Variants in ANK2 observed in about 807,000 individuals in gnomAD.
ANK2 encodes the protein ankyrin 2, also known as ankyrin-2.
Under a neutral mutation model 360.5 loss-of-function variants are expected in ANK2, and 83 were observed. That is an observed-to-expected ratio of 0.23 (90% confidence interval 0.19 to 0.28). The LOEUF (loss-of-function observed/expected upper bound fraction) is 0.28, where lower values mean the gene tolerates loss of function less well. Ranked by LOEUF, ANK2 falls within the 10% of genes least tolerant of loss-of-function variation. The probability of loss-of-function intolerance (pLI) is 1.00; values close to 1 mark genes in which losing one functional copy is unlikely to be tolerated. For missense variants in ANK2, 4,201 were observed against 4,795.7 expected (o/e 0.88, Z 3.66); for synonymous variants, 1,740 against 1,759.5 (o/e 0.99, Z 0.28).
intron 33 of ANK2, among the ~76,000 whole-genome samples, chr4:113,342,711 A>G (rs980610803): frequency 7.9e-5 from 12 of 152,154 alleles, no homozygotes; most frequent in Admixed American, 2.6e-4. Context: ...AAAAAAAAAA[A>G]AAATTACCCA....
chr4:113,253,081 T>A (rs1303119377), intron 10 of ANK2, among the ~76,000 whole-genome samples: 1 of 152,206 alleles, frequency 6.6e-6, no homozygotes, highest in East Asian at 1.9e-4. Flanking sequence ...CCTCCATATC[T>A]ATCCATATCT....
intron 2 of ANK2, among the ~76,000 whole-genome samples, chr4:112,938,777 T>C (rs932474706): frequency 3.9e-5 from 6 of 152,170 alleles, no homozygotes; most frequent in African/African-American, 1.4e-4. Flanking sequence ...ATTTAAGACA[T>C]GGGTCTGTTT....
chr4:112,880,690 A>G (rs1580387374), intron 1 of ANK2: 1 of 152,238 alleles, frequency 6.6e-6, no homozygotes, highest in Non-Finnish European at 1.5e-5. Flanking sequence ...TAATTAGCAG[A>G]TGGAAGTGTG....
At chr4:112,804,421 G>A in the ANK2 span, among the ~76,000 whole-genome samples, 1 of 152,074 alleles carries the variant, frequency 6.6e-6, no homozygotes, top group Non-Finnish European at 1.5e-5. Flanking sequence ...GTGTATGAAG[G>A]GACAGGGCTA....
chr4:113,007,950 T>G (rs1320420050), intron 2 of ANK2, among the ~76,000 whole-genome samples: 1 of 152,098 alleles, frequency 6.6e-6, no homozygotes, highest in African/African-American at 2.4e-5. Flanking sequence ...TCCAAACTAG[T>G]GAACTCAAGC....
chr4:113,182,553 G>C (rs2098438982), intron 2 of ANK2, among the ~76,000 whole-genome samples: 1 of 152,146 alleles, frequency 6.6e-6, no homozygotes, highest in African/African-American at 2.4e-5. Context: ...CAAGGAGAAT[G>C]GGAAAGAGTG....
At chr4:112,805,701 C>A in the ANK2 span, among the ~76,000 whole-genome samples, 3 of 151,938 alleles carry the variant, frequency 2.0e-5, no homozygotes, top group African/African-American at 7.3e-5. Flanking sequence ...CCTGCCTCAG[C>A]CTCCTGAGTA....
chr4:113,336,498 T>C, intron 30 of ANK2, 79 bp from the exon 31 acceptor site: 1 of 1,322,726 alleles, frequency 7.6e-7, no homozygotes, highest in East Asian at 2.5e-5. Context: ...GGAAGAAATT[T>C]GAAATTAAGT....
At chr4:112,806,183 TA>T in the ANK2 span, among the ~76,000 whole-genome samples, 1 of 152,154 alleles carries the variant, frequency 6.6e-6, no homozygotes, top group Non-Finnish European at 1.5e-5. Context: ...TTGCACCCAT[TA>T]ACCATCGCCA....
the ANK2 span, among the ~76,000 whole-genome samples, chr4:112,800,502 T>C: frequency 6.6e-6 from 1 of 152,186 alleles, no homozygotes; most frequent in Non-Finnish European, 1.5e-5. Flanking sequence ...CTAATAGCTG[T>C]AAGGTATTCA....
the ANK2 span, chr4:112,788,075 G>A: frequency 1.4e-6 from 2 of 1,420,530 alleles, no homozygotes; most frequent in South Asian, 2.3e-5. Flanking sequence ...AAACTCAACA[G>A]TGCACATTTA....
intron 1 of ANK2, among the ~76,000 whole-genome samples, chr4:112,838,595 G>A (rs557597510): frequency 6.9e-4 from 105 of 152,296 alleles, no homozygotes; most frequent in Non-Finnish European, 1.2e-3. Context: ...TAGGCTGGGC[G>A]CATGGCTCAT....
intron 26 of ANK2, among the ~76,000 whole-genome samples, chr4:113,319,141 C>T (rs1255182287): frequency 6.6e-6 from 1 of 152,112 alleles, no homozygotes; most frequent in African/African-American, 2.4e-5. Context: ...TGAACGCAAT[C>T]AGTCAGGTTC....
intron 1 of ANK2, among the ~76,000 whole-genome samples, chr4:113,159,516 T>A (rs1186656906): frequency 6.6e-6 from 1 of 152,132 alleles, no homozygotes; most frequent in Non-Finnish European, 1.5e-5. Context: ...CTTTCATGGA[T>A]AATTTATACA....
chr4:112,826,359 A>G (rs1214871461), intron 1 of ANK2: 12 of 960,802 alleles, frequency 1.2e-5, no homozygotes, highest in East Asian at 4.9e-5. Flanking sequence ...CACAGTGACA[A>G]TGGTCTCACT....
chr4:112,790,344 A>C, the ANK2 span, among the ~76,000 whole-genome samples: 2 of 152,208 alleles, frequency 1.3e-5, no homozygotes, highest in African/African-American at 4.8e-5. Context: ...ATTTGTCTTC[A>C]TGAAATATCA....
chr4:113,155,702 TTGA>T (rs2097261793), intron 1 of ANK2, among the ~76,000 whole-genome samples: 3 of 152,146 alleles, frequency 2.0e-5, no homozygotes, highest in Admixed American at 6.5e-5. Context: ...TTCATACTTT[TTGA>T]TTTCTATAAC....
chr4:112,919,404 G>A (rs537212506), intron 2 of ANK2, among the ~76,000 whole-genome samples: 6 of 152,086 alleles, frequency 3.9e-5, no homozygotes, highest in South Asian at 4.1e-4. Flanking sequence ...AAACTCACTC[G>A]TTGATGGTCA....
chr4:113,080,006 C>T (rs181988657), intron 1 of ANK2, among the ~76,000 whole-genome samples: 3 of 150,332 alleles, frequency 2.0e-5, no homozygotes, highest in Non-Finnish European at 2.9e-5. Flanking sequence ...TTAAGGGATT[C>T]TTCTGCCTCA....
Sources: gnomAD v4.1 joint callset for allele counts (sites outside exome capture counted in the v4.1 genomes callset) on GRCh38, gnomAD v4.1.1 for gene constraint, MANE v1.5 for transcripts, NCBI Gene and HGNC (gene_info 2026-07-23, HGNC 2026-07-21) for gene names.